Variants in ESR1 observed in about 807,000 individuals in gnomAD.
ESR1 encodes the protein estrogen receptor.
ESR1 carries 12 observed loss-of-function variants against 52.7 expected under a neutral mutation model. The ratio of observed to expected loss-of-function variants is 0.23; its 90% confidence interval spans 0.15 to 0.37. The LOEUF (loss-of-function observed/expected upper bound fraction) is 0.37, where lower values mean the gene tolerates loss of function less well. ESR1 is among the 10% of genes least tolerant of loss of function. The probability of loss-of-function intolerance (pLI) is 1.00; values close to 1 mark genes in which losing one functional copy is unlikely to be tolerated. For missense variants in ESR1, 584 were observed against 779.7 expected, an observed-to-expected ratio of 0.75 and a Z score of 2.99; for synonymous variants, 305 against 316.8, an observed-to-expected ratio of 0.96 and a Z score of 0.39.
intron 2 of ESR1, among the ~76,000 whole-genome samples, chr6:151,713,878 C>T (rs1430772770): frequency 6.6e-6 from 1 of 152,016 alleles, no homozygotes; most frequent in Non-Finnish European, 1.5e-5. Context: ...TTGTCTTCTG[C>T]TAGCTTTTGA....
At chr6:151,815,582 G>A (rs898182381) in intron 1 of ESR1, among the ~76,000 whole-genome samples, 2 of 152,206 alleles carry the variant, frequency 1.3e-5, no homozygotes, top group African/African-American at 4.8e-5. Flanking sequence ...AAGAATGTGG[G>A]AAGTTTGTGA....
chr6:151,672,772 C>T (rs962499632), intron 1 of ESR1, among the ~76,000 whole-genome samples: 3 of 151,560 alleles, frequency 2.0e-5, no homozygotes, highest in Non-Finnish European at 2.9e-5. Context: ...CATGCCCGCC[C>T]TAAACCTTTT....
At chr6:151,895,509 T>C (rs1468427564) in intron 3 of ESR1, among the ~76,000 whole-genome samples, 1 of 152,220 alleles carries the variant, frequency 6.6e-6, no homozygotes, top group Non-Finnish European at 1.5e-5. Context: ...TTCAGTATTA[T>C]GTTGGCTGTG....
chr6:151,766,184 G>C (rs996881016), intron 2 of ESR1, among the ~76,000 whole-genome samples: 2 of 152,006 alleles, frequency 1.3e-5, no homozygotes, highest in Non-Finnish European at 2.9e-5. Context: ...CTTCCTCTTC[G>C]CATTGCATTT....
chr6:151,967,956 A>G lies in ESR1; in HGVS notation c.1096+23448A>G, dbSNP rs1386278320. 2.6e-5 allele frequency among the ~76,000 whole-genome samples: 4 copies of G among 151,860 alleles called. No individual in the cohort carries two copies. The East Asian group carries it at 5.8e-4, about 22-fold the overall frequency. On this transcript the variant is annotated intron_variant, in intron 4 of 7. Coordinates refer to ENST00000206249, the MANE Select transcript of ESR1 (RefSeq NM_000125.4). ...TCAGGGATGATCAGCTTTTTTTCAT[A>G]TGTTTGTTGGCCTCACAAATGTCTT...
intron 2 of ESR1, among the ~76,000 whole-genome samples, chr6:151,781,607 C>T (rs1007732323): frequency 2.6e-5 from 4 of 152,254 alleles, no homozygotes; most frequent in African/African-American, 9.6e-5. Flanking sequence ...CTACATCCCA[C>T]CGCTTCGCTG....
At chr6:151,849,699 A>G (rs1229665046) in intron 2 of ESR1, among the ~76,000 whole-genome samples, 5 of 151,772 alleles carry the variant, frequency 3.3e-5, no homozygotes, top group Non-Finnish European at 5.9e-5. Context: ...TCTGAGAAGG[A>G]AGAAATGTCA....
intron 2 of ESR1, among the ~76,000 whole-genome samples, chr6:151,793,506 A>G (rs1487404882): frequency 6.6e-6 from 1 of 152,262 alleles, no homozygotes; most frequent in Non-Finnish European, 1.5e-5. Flanking sequence ...ATTTATTATC[A>G]TAATCATTAT....
At chr6:151,961,428 T>G (rs2037647184) in intron 4 of ESR1, among the ~76,000 whole-genome samples, 1 of 150,696 alleles carries the variant, frequency 6.6e-6, no homozygotes, top group Admixed American at 6.6e-5. Context: ...AGGGAGGGGG[T>G]GGAGATATAC....
chr6:151,866,402 C>T (rs576120432), intron 2 of ESR1, among the ~76,000 whole-genome samples: 7 of 152,060 alleles, frequency 4.6e-5, no homozygotes, highest in East Asian at 1.9e-4. Context: ...TAGGTATACA[C>T]GTGCCATGGT....
intron 2 of ESR1, among the ~76,000 whole-genome samples, chr6:151,759,462 A>G (rs965655612): frequency 6.6e-6 from 1 of 152,028 alleles, no homozygotes; most frequent in African/African-American, 2.4e-5. Context: ...ACATGTATAC[A>G]TATGTAACTA....
chr6:151,826,527 A>G (rs1781537180), intron 1 of ESR1, among the ~76,000 whole-genome samples: 1 of 152,244 alleles, frequency 6.6e-6, no homozygotes, highest in South Asian at 2.1e-4. Flanking sequence ...CTCAGGCTCT[A>G]GAAAACTCTG....
chr6:151,802,253 A>G (rs999853511), upstream of ESR1, among the ~76,000 whole-genome samples: 10 of 152,254 alleles, frequency 6.6e-5, no homozygotes, highest in African/African-American at 2.4e-4. Flanking sequence ...AAATGAGCAG[A>G]AACTTAAAGG....
At chr6:151,924,756 A>G (rs763885502) in intron 3 of ESR1, among the ~76,000 whole-genome samples, 13 of 152,186 alleles carry the variant, frequency 8.5e-5, no homozygotes, top group Non-Finnish European at 1.6e-4. Context: ...GTTCCTGTAC[A>G]GGACATGCTC....
At chr6:151,740,971 G>A (rs971998942) in intron 2 of ESR1, among the ~76,000 whole-genome samples, 5 of 152,160 alleles carry the variant, frequency 3.3e-5, no homozygotes, top group Non-Finnish European at 5.9e-5. Flanking sequence ...ATGTCCCACT[G>A]TGGCTGCCAT....
At chr6:151,820,544 C>T (rs1214572077) in intron 1 of ESR1, among the ~76,000 whole-genome samples, 2 of 152,094 alleles carry the variant, frequency 1.3e-5, no homozygotes, top group Non-Finnish European at 2.9e-5. Flanking sequence ...ACAACCAGTA[C>T]TGGAGAATTA....
intron 2 of ESR1, among the ~76,000 whole-genome samples, chr6:151,792,377 TTTTC>T (rs889686512): frequency 1.8e-4 from 28 of 152,220 alleles, no homozygotes; most frequent in East Asian, 3.9e-4. Flanking sequence ...TATTAAAAAT[TTTTC>T]TTTCTTCAAT....
chr6:152,017,679 G>T (rs1375424174), intron 5 of ESR1, among the ~76,000 whole-genome samples: 2 of 151,928 alleles, frequency 1.3e-5, no homozygotes, highest in African/African-American at 4.8e-5. Context: ...GCTCATGATG[G>T]AAAAATATAG....
chr6:151,795,993 C>CAAA (rs78880143), intron 2 of ESR1, among the ~76,000 whole-genome samples: 2 of 145,822 alleles, frequency 1.4e-5, no homozygotes, highest in African/African-American at 5.0e-5. Flanking sequence ...CTAAAAATAC[C>CAAA]AAAAAAAAAA....
Sources: allele counts gnomAD v4.1 joint callset (sites outside exome capture counted in the v4.1 genomes callset), GRCh38; gene constraint gnomAD v4.1.1; transcripts MANE v1.5; gene names NCBI Gene and HGNC (gene_info 2026-07-23, HGNC 2026-07-21).